SND1: variants seen among roughly 807,000 people sequenced by gnomAD.
The protein encoded by SND1 is staphylococcal nuclease domain-containing protein 1.
In SND1, 38 loss-of-function variants were observed where a neutral mutation model predicts 121.7. That is an observed-to-expected ratio of 0.31 (90% CI 0.24 to 0.41). SND1 has a LOEUF of 0.41. SND1 is among the 10% of genes least tolerant of loss of function. The pLI is 1.00. For missense variants in SND1, 868 were observed against 1,184.6 expected (o/e 0.73, Z 3.92); for synonymous variants, 401 against 447.4 (o/e 0.90, Z 1.31).
At chr7:127,687,716 C>G (rs1795839626) in intron 2 of SND1, among the ~76,000 whole-genome samples, 3 of 152,034 alleles carry the variant, frequency 2.0e-5, no homozygotes, top group African/African-American at 4.8e-5. Flanking sequence ...GAGACAAGGT[C>G]TCTGTTGCCC....
intron 16 of SND1, among the ~76,000 whole-genome samples, chr7:128,051,574 T>C (rs1793046482): frequency 6.6e-6 from 1 of 152,242 alleles, no homozygotes; most frequent in African/African-American, 2.4e-5. Flanking sequence ...CTGCACTGCC[T>C]AAACAGCATC....
chr7:127,790,655 A>G (rs1011269194), intron 10 of SND1, among the ~76,000 whole-genome samples: 3 of 152,180 alleles, frequency 2.0e-5, no homozygotes, highest in African/African-American at 7.2e-5. Flanking sequence ...GGTGAGCAAG[A>G]TGCTGTTTTT....
intron 10 of SND1, among the ~76,000 whole-genome samples, chr7:127,738,626 A>C (rs940094261): frequency 6.6e-5 from 10 of 152,048 alleles, no homozygotes; most frequent in Admixed American, 3.9e-4. Context: ...GGAGAAGTCC[A>C]TTGGTAGGAG....
At position 128,085,904 on chromosome 7, in the gene SND1, C is replaced by A; in HGVS notation, c.2304+124C>A. ...TAGAACAATGAGCATTGGGGCATCT[C>A]TGCTGTGCGTGTAACAGGCCAGGCC... On this transcript the variant is annotated intron_variant, in intron 20 of 23. Transcript: ENST00000354725. The surrounding 1 kb of genome is among the most constrained non-coding windows in gnomAD (Gnocchi z 4.4). 1 of 842,832 alleles carries A rather than the reference C, an allele frequency of 1.2e-6. No individual in the cohort carries two copies. The highest frequency in any genetic ancestry group is 1.9e-6 in the Non-Finnish European group (1 of 517,404). The allele number at this position is 842,832 out of a possible 1,614,324, so 52.2% of individuals were successfully genotyped here.
At chr7:127,809,453 C>T (rs1201929345) in intron 11 of SND1, among the ~76,000 whole-genome samples, 1 of 152,232 alleles carries the variant, frequency 6.6e-6, no homozygotes, top group Non-Finnish European at 1.5e-5. Flanking sequence ...CTGGGCCTGT[C>T]ACTTGCCACA....
intron 21 of SND1, among the ~76,000 whole-genome samples, chr7:128,089,153 C>G (rs1344621275): frequency 6.6e-6 from 1 of 152,188 alleles, no homozygotes; most frequent in Non-Finnish European, 1.5e-5. Flanking sequence ...CTCCTAGCTT[C>G]AAGCGATTCT....
chr7:128,029,009 C>T lies in SND1; in HGVS notation c.1779+37953C>T. 1 of 1,613,588 alleles carries T rather than the reference C, an allele frequency of 6.2e-7. No individual in the cohort carries two copies. The highest frequency in any genetic ancestry group is 8.5e-7 in the Non-Finnish European group (1 of 1,179,810). ...GCTTACGAAGTTTATAGAAGACAAT[C>T]AACATGGCGGCAGCTAGCAGAGTCA... On this transcript the variant is annotated intron_variant, in intron 16 of 23. Coordinates refer to ENST00000354725, the MANE Select transcript of SND1 (RefSeq NM_014390.4). The surrounding 1 kb of genome is among the most constrained non-coding windows in gnomAD (Gnocchi z 4.2).
At chr7:127,680,532 A>G (rs1795702096) in intron 1 of SND1, among the ~76,000 whole-genome samples, 1 of 152,112 alleles carries the variant, frequency 6.6e-6, no homozygotes, top group African/African-American at 2.4e-5. Context: ...GCTGAGAAAA[A>G]GAATTCAGCG....
intron 10 of SND1, among the ~76,000 whole-genome samples, chr7:127,767,005 A>G (rs1438497462): frequency 6.6e-6 from 1 of 152,004 alleles, no homozygotes; most frequent in African/African-American, 2.4e-5. Flanking sequence ...CATGGCAATA[A>G]CACTGTGGCA....
At chr7:127,672,128 A>G (rs1200917272) in intron 1 of SND1, among the ~76,000 whole-genome samples, 1 of 152,178 alleles carries the variant, frequency 6.6e-6, no homozygotes, top group Non-Finnish European at 1.5e-5. Flanking sequence ...GCAAATTTGA[A>G]AATTCAGAAT....
chr7:127,787,234 G>A (rs1158924025), intron 10 of SND1, among the ~76,000 whole-genome samples: 2 of 151,950 alleles, frequency 1.3e-5, no homozygotes, highest in African/African-American at 4.8e-5. Context: ...ATTTTCCTTT[G>A]TTTGTTTGTT....
intron 15 of SND1, among the ~76,000 whole-genome samples, chr7:127,948,453 A>G (rs1159264251): frequency 6.6e-6 from 1 of 152,240 alleles, no homozygotes; most frequent in Non-Finnish European, 1.5e-5. Context: ...TTTTGCCCTG[A>G]CATAAATGTA....
intron 12 of SND1, among the ~76,000 whole-genome samples, chr7:127,868,051 G>A (rs958310300): frequency 3.9e-5 from 6 of 152,258 alleles, no homozygotes; most frequent in South Asian, 4.1e-4. Flanking sequence ...TCTGAATTGT[G>A]CATCTTGTGT....
chr7:127,941,157 T>C (rs762327452), intron 15 of SND1, among the ~76,000 whole-genome samples: 11 of 152,206 alleles, frequency 7.2e-5, no homozygotes, highest in African/African-American at 2.4e-4. Flanking sequence ...CATTAGAGCT[T>C]TTTCCAATTT....
At chr7:128,075,991 T>G (rs565539727) in intron 17 of SND1, among the ~76,000 whole-genome samples, 1 of 152,354 alleles carries the variant, frequency 6.6e-6, no homozygotes, top group African/African-American at 2.4e-5. Flanking sequence ...AGGTTGGCAC[T>G]TTCACAGAAG....
At chr7:127,820,148 A>G (rs1256481057) in intron 11 of SND1, among the ~76,000 whole-genome samples, 3 of 152,198 alleles carry the variant, frequency 2.0e-5, no homozygotes, top group Non-Finnish European at 1.5e-5. Context: ...TGGGGTTACA[A>G]TTCAGTTAGT....
At chr7:128,023,832 G>A (rs1330760205) in intron 16 of SND1, among the ~76,000 whole-genome samples, 1 of 152,084 alleles carries the variant, frequency 6.6e-6, no homozygotes, top group African/African-American at 2.4e-5. Flanking sequence ...ATATGGTGTG[G>A]AGCACTAAGT....
At chr7:127,760,655 C>T (rs1250285699) in intron 10 of SND1, among the ~76,000 whole-genome samples, 2 of 152,228 alleles carry the variant, frequency 1.3e-5, no homozygotes, top group Admixed American at 6.5e-5. Context: ...AAAGGCACCT[C>T]TCTGCCATAC....
intron 15 of SND1, among the ~76,000 whole-genome samples, chr7:127,947,011 A>C (rs760473137): frequency 6.6e-6 from 1 of 152,290 alleles, no homozygotes; most frequent in Non-Finnish European, 1.5e-5. Flanking sequence ...TAGAAGTTCA[A>C]GGGGTCACCA....
Sources: gnomAD v4.1 joint callset for allele counts (sites outside exome capture counted in the v4.1 genomes callset) on GRCh38, gnomAD v4.1.1 for gene constraint, Gnocchi (gnomAD v3.1) non-coding constraint, MANE v1.5 for transcripts, NCBI Gene and HGNC (gene_info 2026-07-23, HGNC 2026-07-21) for gene names.